NSL1: variants seen among roughly 807,000 people sequenced by gnomAD.
The protein encoded by NSL1 is NSL1 component of MIS12 kinetochore complex.
A neutral mutation model predicts 25.4 loss-of-function variants in NSL1; 11 were observed. The observed-to-expected ratio is 0.43, with a 90% confidence interval of 0.27 to 0.72. The LOEUF is 0.72. Ranked by LOEUF, NSL1 falls within the 30% of genes least tolerant of loss-of-function variation. The pLI is 0.19. For synonymous variants in NSL1, 118 were observed against 120.6 expected (o/e 0.98, Z 0.14); for missense variants, 330 against 342.7 (o/e 0.96, Z 0.29).
chr1:212,766,836 C>T (rs974763452), intron 4 of NSL1, among the ~76,000 whole-genome samples: 2 of 152,034 alleles, frequency 1.3e-5, no homozygotes, highest in Non-Finnish European at 2.9e-5. Context: ...TTTACAACAG[C>T]TGCAAAAACA....
At chr1:212,759,292 C>G (rs1300625459) in intron 4 of NSL1, among the ~76,000 whole-genome samples, 1 of 152,078 alleles carries the variant, frequency 6.6e-6, no homozygotes, top group African/African-American at 2.4e-5. Flanking sequence ...ACTAGGGGCA[C>G]CTGGCACCTG....
chr1:212,733,835 T>G lies in NSL1; in HGVS notation c.*4573A>C, dbSNP rs780831356. Among the ~76,000 whole-genome samples the G allele has an allele frequency of 6.6e-6, 1 of 152,246 alleles. No homozygotes were observed. The highest frequency in any genetic ancestry group is 1.5e-5 in the Non-Finnish European group (1 of 68,048). On this transcript the variant is annotated 3_prime_UTR_variant, in exon 6 of 6. Transcript: ENST00000366977. ...GGTTTAGAACGTGGAGTAAAATTGC[T>G]GGGCCATATGGTAACTGCATTATCT... is the stretch of plus-strand genomic sequence containing the variant.
chr1:212,750,591 T>C (rs549117857), intron 4 of NSL1, among the ~76,000 whole-genome samples: 3 of 152,134 alleles, frequency 2.0e-5, no homozygotes, highest in Admixed American at 2.0e-4. Context: ...CCTTAAGTGT[T>C]TGCCATATTG....
intron 4 of NSL1, among the ~76,000 whole-genome samples, chr1:212,759,817 C>G (rs1319601301): frequency 6.6e-6 from 1 of 152,094 alleles, no homozygotes; most frequent in East Asian, 1.9e-4. Context: ...GTCCTACACC[C>G]CAAGGAACCA....
intron 4 of NSL1, among the ~76,000 whole-genome samples, chr1:212,744,693 G>A (rs1052463627): frequency 1.3e-5 from 2 of 152,128 alleles, no homozygotes; most frequent in Non-Finnish European, 2.9e-5. Flanking sequence ...AAAAAATTCT[G>A]GAGCTAAAAA....
chr1:212,751,244 G>C (rs1659054257), intron 4 of NSL1, among the ~76,000 whole-genome samples: 1 of 152,188 alleles, frequency 6.6e-6, no homozygotes, highest in Non-Finnish European at 1.5e-5. Context: ...TTCCCTACCT[G>C]TTCCATGGAC....
At chr1:212,790,713 G>C (rs1464621775) in intron 1 of NSL1, among the ~76,000 whole-genome samples, 1 of 151,956 alleles carries the variant, frequency 6.6e-6, no homozygotes, top group Admixed American at 6.6e-5. Context: ...ACGAGGTCAG[G>C]AGATCGAGAC....
Position 212,790,391 on chromosome 1 carries a change from T to C in NSL1, c.234+1139A>G, listed in dbSNP as rs1029552450. On this transcript the variant is annotated intron_variant, in intron 1 of 5. Transcript: ENST00000366977. ...GACTAAAATAGGTTAAAAAAAATTG[T>C]GTTGGTTGAAAACTTTACTAAGATC... Among the ~76,000 whole-genome samples the C allele has an allele frequency of 5.3e-5, 8 of 152,234 alleles. No homozygotes were observed. In the East Asian group the frequency reaches 1.4e-3, roughly 26 times the overall value.
intron 4 of NSL1, among the ~76,000 whole-genome samples, chr1:212,781,098 G>A (rs1660713532): frequency 6.6e-6 from 1 of 152,140 alleles, no homozygotes; most frequent in Admixed American, 6.5e-5. Flanking sequence ...TTATGAAAAT[G>A]CATAATGAAA....
intron 4 of NSL1, among the ~76,000 whole-genome samples, chr1:212,779,473 T>C (rs1319216614): frequency 1.2e-5 from 1 of 81,222 alleles, no homozygotes; most frequent in African/African-American, 5.3e-5. Flanking sequence ...GAGGAGCCCC[T>C]CTGCACGGCC....
At position 212,730,095 on chromosome 1, in the gene NSL1, C is replaced by T; in HGVS notation, c.*8313G>A. The T allele has an allele frequency of 1.9e-5, 16 of 823,530 alleles. No individual in the cohort carries two copies. Among genetic ancestry groups the T allele is most frequent in the Non-Finnish European group, 2.2e-5 (15 of 682,854 alleles). The allele number at this position is 823,530 out of a possible 1,614,324, so 51.0% of individuals were successfully genotyped here. A position where few individuals can be genotyped will look rare whatever the true frequency, so the allele number is the denominator to read the frequency against. On this transcript the variant is annotated 3_prime_UTR_variant, in exon 6 of 6. Transcript: ENST00000366977. ...GCAAAACCTCATCTCTATAAAAATGCAAATATTAGCCCAGCATGGTAGCAC... is the reference window on the plus strand; with the variant it reads ...GCAAAACCTCATCTCTATAAAAATGTAAATATTAGCCCAGCATGGTAGCAC...
chr1:212,767,104 A>G (rs7556272), intron 4 of NSL1, among the ~76,000 whole-genome samples: 3,752 of 152,060 alleles, frequency 0.025, 132 homozygotes, highest in African/African-American at 0.083. Context: ...TAAAATTCAT[A>G]TGAAACCAAA....
At chr1:212,739,154 A>G (rs891031582) in intron 5 of NSL1, among the ~76,000 whole-genome samples, 2 of 152,222 alleles carry the variant, frequency 1.3e-5, no homozygotes, top group Admixed American at 6.5e-5. Flanking sequence ...TACAAAAGAA[A>G]TAACAGTATC....
intron 4 of NSL1, among the ~76,000 whole-genome samples, chr1:212,748,102 A>G (rs924712330): frequency 2.6e-5 from 4 of 152,218 alleles, no homozygotes; most frequent in Non-Finnish European, 4.4e-5. Context: ...GATAAATACT[A>G]TAATTCCTTC....
Position 212,728,535 on chromosome 1 carries a change from TCAAA to T in NSL1, c.*9869_*9872del, listed in dbSNP as rs1657878896. The T allele has an allele frequency of 1.0e-6, 1 of 985,292 alleles. No individual in the cohort carries two copies. The allele number at this position is 985,292 out of a possible 1,614,324, so 61.0% of individuals were successfully genotyped here. ...AACAAATCTGACATTGTTGGTTTGT[TCAAA>T]CAATTTTTTCAAATCAGATTTACAG... On this transcript the variant is annotated 3_prime_UTR_variant, in exon 6 of 6. Transcript: ENST00000366977.
intron 4 of NSL1, among the ~76,000 whole-genome samples, chr1:212,773,310 C>T (rs7547100): frequency 0.65 from 99,393 of 151,858 alleles, 32,920 homozygotes; most frequent in Non-Finnish European, 0.69. Flanking sequence ...ATCCAATATA[C>T]ACAAGAAGCT....
intron 1 of NSL1, among the ~76,000 whole-genome samples, chr1:212,788,841 T>G (rs934463088): frequency 6.6e-6 from 1 of 152,098 alleles, no homozygotes; most frequent in Non-Finnish European, 1.5e-5. Context: ...CACTAACAAA[T>G]AATAGACATG....
In NSL1 at chr1:212,733,015, C is replaced by T. The variant is rs898902262; in HGVS notation, c.*5393G>A. Among the ~76,000 whole-genome samples, 1 of 152,112 alleles carries T rather than the reference C, an allele frequency of 6.6e-6. No homozygotes were observed. The highest frequency in any genetic ancestry group is 1.5e-5 in the Non-Finnish European group (1 of 68,026). On this transcript the variant is annotated 3_prime_UTR_variant, in exon 6 of 6. Coordinates refer to ENST00000366977, the MANE Select transcript of NSL1 (RefSeq NM_015471.4). Reference sequence around the variant, plus strand: ...TGTGTTATTTCTATTTCTTTATTCTCTTTTTAAATTGAGATATACTTTACC... The same window carrying T: ...TGTGTTATTTCTATTTCTTTATTCTTTTTTTAAATTGAGATATACTTTACC...
chr1:212,727,064 G>A lies in NSL1; in HGVS notation c.*11344C>T. ...CCGAGAGAGGGAGGGCGGGCTCTGG[G>A]TCACCCAGCTTCATCCTCTTCATCT... On this transcript the variant is annotated 3_prime_UTR_variant, in exon 6 of 6. Coordinates refer to ENST00000366977, the MANE Select transcript of NSL1 (RefSeq NM_015471.4). 3 of 1,525,580 alleles carry A rather than the reference G, an allele frequency of 2.0e-6. No individual in the cohort carries two copies. Among genetic ancestry groups the A allele is most frequent in the Admixed American group, 2.0e-5 (1 of 49,514 alleles). 94.5% of individuals were successfully genotyped at this position (1,525,580 alleles called of 1,614,324 possible). A position where few individuals can be genotyped will look rare whatever the true frequency, so the allele number is the denominator to read the frequency against.
Sources: allele counts gnomAD v4.1 joint callset (sites outside exome capture counted in the v4.1 genomes callset), GRCh38; gene constraint gnomAD v4.1.1; transcripts MANE v1.5; gene names NCBI Gene and HGNC (gene_info 2026-07-23, HGNC 2026-07-21).